Variants in CDK8 observed in about 807,000 individuals in gnomAD.
CDK8 encodes cyclin dependent kinase 8.
In CDK8, 29 loss-of-function variants were observed where a neutral mutation model predicts 71.5. The observed-to-expected ratio is 0.41, with a 90% CI of 0.30 to 0.55. The LOEUF is 0.55. Among genes scored for constraint, CDK8 ranks in the 20% least tolerant of loss-of-function variants. The pLI is 0.37. For synonymous variants in CDK8, 161 were observed against 192.1 expected (o/e 0.84, Z 1.34); for missense variants, 288 against 572.6 (o/e 0.50, Z 5.07).
At chr13:26,362,206 G>T (rs1874174344) in intron 4 of CDK8, among the ~76,000 whole-genome samples, 1 of 149,886 alleles carries the variant, frequency 6.7e-6, no homozygotes, top group Non-Finnish European at 1.5e-5. Flanking sequence ...AGATGTATGT[G>T]TGGATGATAG....
intron 12 of CDK8, among the ~76,000 whole-genome samples, chr13:26,402,985 AAGAC>A (rs1286553867): frequency 2.6e-5 from 4 of 152,244 alleles, no homozygotes; most frequent in Non-Finnish European, 5.9e-5. Flanking sequence ...TATGCTTTGA[AAGAC>A]AGAAGTAATA....
At chr13:26,311,680 C>T (rs1874289558) in intron 1 of CDK8, among the ~76,000 whole-genome samples, 3 of 152,268 alleles carry the variant, frequency 2.0e-5, no homozygotes, top group Admixed American at 2.0e-4. Flanking sequence ...AGTAAGCCTC[C>T]CGCTTCATCT....
chr13:26,282,962 A>G (rs1431752339), intron 1 of CDK8, among the ~76,000 whole-genome samples: 1 of 152,240 alleles, frequency 6.6e-6, no homozygotes, highest in Non-Finnish European at 1.5e-5. Context: ...AAAAAAGACA[A>G]AGAAGGACAT....
intron 4 of CDK8, among the ~76,000 whole-genome samples, chr13:26,358,298 C>CA (rs985791986): frequency 4.0e-5 from 6 of 148,510 alleles, no homozygotes; most frequent in South Asian, 2.1e-4. Context: ...GACTCCGTCT[C>CA]AAAAAAAAAT....
intron 1 of CDK8, among the ~76,000 whole-genome samples, chr13:26,329,480 T>TG (rs1329642914): frequency 1.4e-3 from 167 of 118,370 alleles, no homozygotes; most frequent in African/African-American, 4.5e-3. Flanking sequence ...TTTTTTTTTT[T>TG]TTGTTTTTTT....
chr13:26,273,431 A>C (rs1213411086), intron 1 of CDK8, among the ~76,000 whole-genome samples: 1 of 152,158 alleles, frequency 6.6e-6, no homozygotes, highest in Admixed American at 6.5e-5. Context: ...TATGTTAGAA[A>C]TGTATGTCTA....
chr13:26,342,972 A>G (rs537452556), intron 2 of CDK8, among the ~76,000 whole-genome samples: 34 of 152,196 alleles, frequency 2.2e-4, no homozygotes, highest in African/African-American at 8.2e-4. Flanking sequence ...GTCTCATCAG[A>G]TGGTCATTTC....
In CDK8 at chr13:26,397,211, A is replaced by G. The variant is rs755340500; in HGVS notation, c.919A>G (p.Lys307Glu). The change falls in exon 9 of 13, where the codon AAA becomes GAA. Residue 307 changes from lysine to glutamate, a missense_variant. Lys to Glu is a moderately conservative substitution (Grantham distance 56). This residue lies in a region of CDK8 where 96 missense variants were observed against 229.8 expected (regional missense o/e 0.42). Coordinates refer to ENST00000381527, the MANE Select transcript of CDK8 (RefSeq NM_001260.3). Reference protein sequence around the residue: ...MEKHKVKPDSKAFHLLQKLLT... With the variant: ...MEKHKVKPDSEAFHLLQKLLT... ...AAAACATAAAGTTAAACCAGATAGTAAAGCATTCCACTTGGTAAGCATTGG... is the reference window on the plus strand; with the variant it reads ...AAAACATAAAGTTAAACCAGATAGTGAAGCATTCCACTTGGTAAGCATTGG... The G allele has an allele frequency of 1.9e-6, 3 of 1,593,642 alleles. No homozygotes were observed. Among genetic ancestry groups the G allele is most frequent in the Non-Finnish European group, 2.6e-6 (3 of 1,164,230 alleles).
chr13:26,364,066 G>A (rs1270591714), intron 4 of CDK8, among the ~76,000 whole-genome samples: 3 of 152,128 alleles, frequency 2.0e-5, no homozygotes, highest in Non-Finnish European at 4.4e-5. Flanking sequence ...TCTACTACTA[G>A]TAAGTGGAAA....
intron 2 of CDK8, 74 bp downstream of exon 2, chr13:26,337,716 T>C (rs2137973777): frequency 1.9e-6 from 1 of 536,568 alleles, no homozygotes; most frequent in Non-Finnish European, 3.2e-6. Context: ...CTCTGTATTG[T>C]ATTTGTCATA....
intron 1 of CDK8, among the ~76,000 whole-genome samples, chr13:26,291,245 T>C (rs1873285685): frequency 6.6e-6 from 1 of 152,130 alleles, no homozygotes; most frequent in African/African-American, 2.4e-5. Context: ...ATAGCCTAGG[T>C]GTACAGTAGG....
intron 4 of CDK8, among the ~76,000 whole-genome samples, chr13:26,366,737 A>G (rs1293695996): frequency 6.6e-6 from 1 of 152,186 alleles, no homozygotes; most frequent in Admixed American, 6.5e-5. Flanking sequence ...ACAGGCTTGT[A>G]ATTCAGGTCA....
intron 1 of CDK8, among the ~76,000 whole-genome samples, chr13:26,312,150 C>A (rs925723473): frequency 2.0e-5 from 3 of 152,156 alleles, no homozygotes; most frequent in African/African-American, 7.2e-5. Context: ...CACCAATCAG[C>A]ACTCTGTGAA....
Position 26,401,457 on chromosome 13 carries a change from C to T in CDK8, c.1111-9C>T. The T allele has an allele frequency of 1.4e-5, 23 of 1,614,048 alleles. No individual in the cohort carries two copies. Among genetic ancestry groups the T allele is most frequent in the Non-Finnish European group, 1.9e-5 (23 of 1,179,990 alleles). ...TCTGAGCTGAACTTTTTCTGTTTAA[C>T]CAATTGAGAAGAACCAGCAGCAGCA... On this transcript the variant is annotated splice_polypyrimidine_tract_variant and intron_variant, in intron 11 of 12. Coordinates refer to ENST00000381527, the MANE Select transcript of CDK8 (RefSeq NM_001260.3). The surrounding 1 kb of genome is among the most constrained non-coding windows in gnomAD (Gnocchi z 4.5).
chr13:26,391,419 G>C (rs1368329685), intron 6 of CDK8, among the ~76,000 whole-genome samples: 1 of 152,150 alleles, frequency 6.6e-6, no homozygotes, highest in African/African-American at 2.4e-5. Flanking sequence ...GAGCAGTGTA[G>C]CTTTAATTAT....
intron 9 of CDK8, 92 bp downstream of exon 9, chr13:26,397,317 T>C: frequency 1.4e-6 from 1 of 738,486 alleles, no homozygotes; most frequent in Non-Finnish European, 2.4e-6. Flanking sequence ...ATGTGGTTAC[T>C]TAGCTAGCAC....
At chr13:26,317,631 CAG>C (rs1391593710) in intron 1 of CDK8, among the ~76,000 whole-genome samples, 2 of 152,024 alleles carry the variant, frequency 1.3e-5, no homozygotes, top group Non-Finnish European at 2.9e-5. Flanking sequence ...AAATGAGAGA[CAG>C]AAGTAAAACT....
chr13:26,287,788 A>T (rs1383199998), intron 1 of CDK8, among the ~76,000 whole-genome samples: 3 of 152,192 alleles, frequency 2.0e-5, no homozygotes, highest in Non-Finnish European at 2.9e-5. Context: ...GTCAAAAGTA[A>T]TAATACCATA....
At chr13:26,368,705 T>A (rs1874511435) in intron 4 of CDK8, among the ~76,000 whole-genome samples, 2 of 152,358 alleles carry the variant, frequency 1.3e-5, no homozygotes, top group Admixed American at 6.5e-5. Context: ...TTCTTAAGTT[T>A]CACTATTAGA....
Sources: gnomAD v4.1 joint callset for allele counts (sites outside exome capture counted in the v4.1 genomes callset) on GRCh38, gnomAD v4.1.1 for gene constraint, gnomAD v4.1.1 regional missense constraint, Gnocchi (gnomAD v3.1) non-coding constraint, MANE v1.5 for transcripts, NCBI Gene and HGNC (gene_info 2026-07-23, HGNC 2026-07-21) for gene names.